Variants in ALG6 observed in about 807,000 individuals in gnomAD.
The protein encoded by ALG6 is dolichyl pyrophosphate Man9GlcNAc2 alpha-1,3-glucosyltransferase.
A neutral mutation model predicts 66.6 loss-of-function variants in ALG6; 46 were observed. The observed-to-expected ratio is 0.69, with a 90% CI of 0.55 to 0.88. ALG6 has a LOEUF of 0.88. Among genes scored for constraint, ALG6 ranks in the 40% least tolerant of loss-of-function variants. The pLI, the probability that ALG6 is intolerant of heterozygous loss-of-function variation, is 0.00. For missense variants in ALG6, 505 were observed against 586.8 expected (o/e 0.86, Z 1.44); for synonymous variants, 185 against 203.7 (o/e 0.91, Z 0.78).
At chr1:63,388,807 C>T (rs1038067265) in intron 2 of ALG6, among the ~76,000 whole-genome samples, 4 of 152,152 alleles carry the variant, frequency 2.6e-5, no homozygotes, top group African/African-American at 4.8e-5. Context: ...CTTTATATCT[C>T]CTTCATGTTT....
At chr1:63,396,492 T>C (rs910457227) in intron 2 of ALG6, 21 bp from the exon 3 acceptor site, 3 of 1,604,016 alleles carry the variant, frequency 1.9e-6, no homozygotes, top group Non-Finnish European at 2.6e-6. Context: ...GTTGTTTTGC[T>C]CTTTTTACCT....
chr1:63,437,193 G>A lies in ALG6; in HGVS notation c.*173G>A. 2 of 612,268 alleles carry A rather than the reference G, an allele frequency of 3.3e-6. No homozygotes were observed. Among genetic ancestry groups the A allele is most frequent in the South Asian group, 3.9e-5 (2 of 51,340 alleles). The allele number at this position is 612,268 out of a possible 1,614,324, so 37.9% of individuals were successfully genotyped here. A position where few individuals can be genotyped will look rare whatever the true frequency, so the allele number is the denominator to read the frequency against. ...TGTCTACACAAAATAAATGTATATG[G>A]AGACCAAAGACCAATGGAGGCTTGT... On this transcript the variant is annotated 3_prime_UTR_variant, in exon 15 of 15. Coordinates refer to ENST00000263440, the MANE Select transcript of ALG6 (RefSeq NM_013339.4).
At chr1:63,399,207 T>C (rs1644431104) in intron 3 of ALG6, among the ~76,000 whole-genome samples, 1 of 152,206 alleles carries the variant, frequency 6.6e-6, no homozygotes, top group Non-Finnish European at 1.5e-5. Flanking sequence ...TTCTCCAACA[T>C]GGCCATGCAC....
chr1:63,400,203 AAAAATATATATATATATACGT>A (rs1570056346), intron 3 of ALG6, among the ~76,000 whole-genome samples: 2 of 44,464 alleles, frequency 4.5e-5, no homozygotes, highest in Non-Finnish European at 6.8e-5. Flanking sequence ...TCAAAAAAAA[AAAAATATATATATATATACGT>A]ATATATATAT....
chr1:63,402,881 G>T (rs1367969142), intron 4 of ALG6, among the ~76,000 whole-genome samples: 1 of 151,156 alleles, frequency 6.6e-6, no homozygotes, highest in Non-Finnish European at 1.5e-5. Flanking sequence ...CGGATCACGA[G>T]GTCAGGAGAT....
intron 12 of ALG6, among the ~76,000 whole-genome samples, chr1:63,419,964 G>T (rs1336654954): frequency 6.6e-6 from 1 of 152,122 alleles, no homozygotes; most frequent in East Asian, 1.9e-4. Context: ...TGACAGCTGG[G>T]AGTATGATAT....
intron 12 of ALG6, among the ~76,000 whole-genome samples, chr1:63,420,942 T>C (rs1644570032): frequency 6.6e-6 from 1 of 151,964 alleles, no homozygotes; most frequent in Admixed American, 6.6e-5. Context: ...TTTCATTCAG[T>C]AAATATTTAT....
chr1:63,400,335 ACG>A lies in ALG6; in HGVS notation c.168-1918_168-1917del, dbSNP rs1491047911. On this transcript the variant is annotated intron_variant, in intron 3 of 14. Transcript: ENST00000263440. The stretch of plus-strand genomic sequence containing the variant: ...TATATATATACGTATATATATATAT[ACG>A]TATATATATATGTATATATATATGT... Among the ~76,000 whole-genome samples the A allele has an allele frequency of 1.6e-3, 28 of 17,712 alleles. 9 individuals are homozygous for A. The highest frequency in any genetic ancestry group is 0.091 in the Middle Eastern group (2 of 22). The allele number at this position is 17,712 out of a possible 152,430, so 11.6% of individuals were successfully genotyped here. A position where few individuals can be genotyped will look rare whatever the true frequency, so the allele number is the denominator to read the frequency against.
At chr1:63,420,861 A>T (rs1570079424) in intron 12 of ALG6, among the ~76,000 whole-genome samples, 1 of 54,674 alleles carries the variant, frequency 1.8e-5, no homozygotes, top group African/African-American at 1.0e-4. Context: ...ACTCTGTCTC[A>T]AAAAAAAAAA....
In ALG6 at chr1:63,415,898, C is replaced by T; in HGVS notation, c.928C>T (p.Leu310Phe). 1 of 1,611,418 alleles carries T rather than the reference C, an allele frequency of 6.2e-7. No homozygotes were observed. Among genetic ancestry groups the T allele is most frequent in the Non-Finnish European group, 8.5e-7 (1 of 1,178,096 alleles). ...MSFCSTFLSL[L>F]PACIKLILQP... ...CTTTTGTTCTACGTTTTTGAGCCTG[C>T]TTCCTGCATGCATAAAATTAATACT... The change falls in exon 11 of 15, where the codon CTT becomes TTT. Residue 310 changes from leucine to phenylalanine, a missense_variant. Leu to Phe is a conservative substitution (Grantham distance 22). Coordinates refer to ENST00000263440, the MANE Select transcript of ALG6 (RefSeq NM_013339.4).
intron 2 of ALG6, among the ~76,000 whole-genome samples, chr1:63,373,117 C>T (rs1334267010): frequency 6.6e-6 from 1 of 152,050 alleles, no homozygotes; most frequent in Non-Finnish European, 1.5e-5. Context: ...AGTGATTCTG[C>T]TGCCTCAGCC....
In ALG6 at chr1:63,411,860, T is replaced by A. The variant is rs867720415; in HGVS notation, c.681-66T>A. The A allele has an allele frequency of 2.1e-5, 33 of 1,601,620 alleles. No homozygotes were observed. The Middle Eastern group carries it at 1.7e-3, about 82-fold the overall frequency. ...GTGCATGTATTATGTTCAGTGAGACTCAGGTTGATTTTGCAGAATTACTGA... is the reference window on the plus strand; with the variant it reads ...GTGCATGTATTATGTTCAGTGAGACACAGGTTGATTTTGCAGAATTACTGA... On this transcript the variant is annotated intron_variant, in intron 8 of 14. Transcript: ENST00000263440.
At chr1:63,426,249 G>A (rs1173277603) in intron 12 of ALG6, among the ~76,000 whole-genome samples, 1 of 152,034 alleles carries the variant, frequency 6.6e-6, no homozygotes, top group African/African-American at 2.4e-5. Flanking sequence ...GTGGAGAGAG[G>A]GAGAACTGGT....
intron 3 of ALG6, among the ~76,000 whole-genome samples, chr1:63,400,534 A>G (rs1200750174): frequency 6.6e-6 from 1 of 151,120 alleles, no homozygotes; most frequent in Non-Finnish European, 1.5e-5. Flanking sequence ...TATAAATCCT[A>G]TATTTTTTTC....
chr1:63,393,484 A>C (rs1221474409), intron 2 of ALG6, among the ~76,000 whole-genome samples: 1 of 152,212 alleles, frequency 6.6e-6, no homozygotes, highest in East Asian at 1.9e-4. Flanking sequence ...TGAAAGTATA[A>C]GTATTGTGAG....
chr1:63,387,215 C>T (rs536982482), intron 2 of ALG6, among the ~76,000 whole-genome samples: 2 of 152,216 alleles, frequency 1.3e-5, no homozygotes, highest in South Asian at 4.1e-4. Context: ...TATGGTCTAT[C>T]TGTGTGCCAA....
intron 12 of ALG6, among the ~76,000 whole-genome samples, chr1:63,426,564 G>C (rs1644616353): frequency 1.3e-5 from 2 of 152,126 alleles, no homozygotes; most frequent in Admixed American, 1.3e-4. Flanking sequence ...TTTTTTAAGA[G>C]ACAAGGTCTC....
chr1:63,386,264 C>G (rs898189562), intron 2 of ALG6, among the ~76,000 whole-genome samples: 8 of 150,672 alleles, frequency 5.3e-5, no homozygotes, highest in Non-Finnish European at 1.2e-4. Flanking sequence ...GGGATATTGG[C>G]TTGTAGTTTT....
At chr1:63,391,650 A>C (rs1648676753) in intron 2 of ALG6, among the ~76,000 whole-genome samples, 1 of 152,164 alleles carries the variant, frequency 6.6e-6, no homozygotes. Flanking sequence ...ACTCCATCAC[A>C]CTCAAGTGTG....
Sources: allele counts gnomAD v4.1 joint callset (sites outside exome capture counted in the v4.1 genomes callset), GRCh38; gene constraint gnomAD v4.1.1; transcripts MANE v1.5; gene names NCBI Gene and HGNC (gene_info 2026-07-23, HGNC 2026-07-21).